Variants in USP46 observed in about 807,000 individuals in gnomAD.
USP46 encodes ubiquitin carboxyl-terminal hydrolase 46.
In USP46, 12 loss-of-function variants were observed where a neutral mutation model predicts 44.4. That is an observed-to-expected ratio of 0.27 (90% CI 0.17 to 0.44). The LOEUF is 0.44. Among genes scored for constraint, USP46 ranks in the 20% least tolerant of loss-of-function variants. The pLI, the probability that USP46 is intolerant of heterozygous loss-of-function variation, is 1.00. For synonymous variants in USP46, 155 were observed against 161.5 expected (o/e 0.96, Z 0.31); for missense variants, 248 against 444.8 (o/e 0.56, Z 3.98).
chr4:52,637,950 G>C (rs931516358), intron 1 of USP46, among the ~76,000 whole-genome samples: 1 of 152,062 alleles, frequency 6.6e-6, no homozygotes, highest in Non-Finnish European at 1.5e-5. Context: ...CATCCTGCAA[G>C]GCCAGCTTAA....
chr4:52,611,604 G>C (rs1182348030), intron 4 of USP46, among the ~76,000 whole-genome samples: 2 of 152,062 alleles, frequency 1.3e-5, no homozygotes, highest in Non-Finnish European at 2.9e-5. Flanking sequence ...GTACAAATGG[G>C]GGCCAGGCGT....
chr4:52,599,902 AT>A (rs1416572104), intron 7 of USP46, among the ~76,000 whole-genome samples: 1 of 151,930 alleles, frequency 6.6e-6, no homozygotes, highest in Non-Finnish European at 1.5e-5. Context: ...GGGCCTTTGC[AT>A]TGCTGTAAAC....
intron 1 of USP46, chr4:52,656,276 G>A: frequency 1.3e-6 from 2 of 1,550,994 alleles, no homozygotes; most frequent in Non-Finnish European, 1.7e-6. Context: ...GCAGTGAGAA[G>A]GGACCTGTAA....
chr4:52,622,618 G>A (rs911641773), intron 4 of USP46, among the ~76,000 whole-genome samples: 7 of 152,150 alleles, frequency 4.6e-5, no homozygotes, highest in Admixed American at 1.3e-4. Context: ...TAGTAAGAAA[G>A]ATAGATGCTG....
intron 3 of USP46, among the ~76,000 whole-genome samples, chr4:52,626,704 A>T (rs1160511246): frequency 2.6e-5 from 4 of 152,196 alleles, no homozygotes; most frequent in African/African-American, 9.7e-5. Flanking sequence ...TTCAATGAGT[A>T]AGTTTCCAAA....
Position 52,631,082 on chromosome 4 carries a change from G to A in USP46, c.99C>T (p.His33=). The A allele has an allele frequency of 1.3e-6, 2 of 1,566,930 alleles. No homozygotes were observed. The highest frequency in any genetic ancestry group is 1.7e-6 in the Non-Finnish European group (2 of 1,153,928). Reference sequence around the variant, plus strand: ...TACTTACATTGACCAATCCGAAATAGTGTTCATTGATTGGAAACTGCTCTG... The same window carrying A: ...TACTTACATTGACCAATCCGAAATAATGTTCATTGATTGGAAACTGCTCTG... ...IGPEQFPINE[H]YFGLVNFGNT... The change falls in exon 2 of 9, where the codon CAC becomes CAT. Residue 33 remains histidine (H), a synonymous_variant. Transcript: ENST00000441222.
In USP46 at chr4:52,650,497, G is replaced by A. The variant is rs138669297; in HGVS notation, c.36+8618C>T. Among the ~76,000 whole-genome samples, 309 of 152,304 alleles carry A rather than the reference G, an allele frequency of 2.0e-3. 12 individuals carry two copies. The East Asian group carries it at 0.056, about 27-fold the overall frequency. On this transcript the variant is annotated intron_variant, in intron 1 of 8. Transcript: ENST00000441222. Reference sequence around the variant, plus strand: ...GAGGAAGAGAAAGGAAAGAGATTGGGTTGAGTTAGTGTCTGTTTTTAAGGT... The same window carrying A: ...GAGGAAGAGAAAGGAAAGAGATTGGATTGAGTTAGTGTCTGTTTTTAAGGT...
chr4:52,636,107 T>C lies in USP46; in HGVS notation c.37-4963A>G, dbSNP rs73135521. ...TGACCTTACAATAGGGAGATTGTCCTGGATTCTCCAGGTAGGCCCAATGGG... is the reference window on the plus strand; with the variant it reads ...TGACCTTACAATAGGGAGATTGTCCCGGATTCTCCAGGTAGGCCCAATGGG... On this transcript the variant is annotated intron_variant, in intron 1 of 8. Coordinates refer to ENST00000441222, the MANE Select transcript of USP46 (RefSeq NM_022832.4). Among the ~76,000 whole-genome samples, 1,061 of 152,328 alleles carry C rather than the reference T, an allele frequency of 7.0e-3. 8 individuals carry two copies. Among genetic ancestry groups the C allele is most frequent in the African/African-American group, 0.02 (844 of 41,572 alleles).
chr4:52,633,010 G>GAAAGA (rs1560406397), intron 1 of USP46, among the ~76,000 whole-genome samples: 4 of 115,962 alleles, frequency 3.4e-5, no homozygotes, highest in Non-Finnish European at 5.5e-5. Context: ...AAGAAAGAAA[G>GAAAGA]AAAGAAAGAA....
intron 1 of USP46, among the ~76,000 whole-genome samples, chr4:52,654,357 C>T (rs1216382679): frequency 6.6e-6 from 1 of 152,130 alleles, no homozygotes; most frequent in Admixed American, 6.5e-5. Context: ...TCTGTTCCCC[C>T]AAATCACAAG....
At chr4:52,644,271 C>G (rs1718454655) in intron 1 of USP46, among the ~76,000 whole-genome samples, 1 of 152,170 alleles carries the variant, frequency 6.6e-6, no homozygotes. Context: ...CACCATTATT[C>G]CACAACCCTG....
intron 3 of USP46, among the ~76,000 whole-genome samples, chr4:52,626,701 A>G (rs1029448405): frequency 6.6e-6 from 1 of 152,178 alleles, no homozygotes; most frequent in Admixed American, 6.5e-5. Context: ...AGCTTCAATG[A>G]GTAAGTTTCC....
chr4:52,601,756 T>C (rs1333082249), intron 7 of USP46, 101 bp downstream of exon 7: 2 of 1,278,202 alleles, frequency 1.6e-6, no homozygotes, highest in African/African-American at 3.0e-5. Context: ...ATCCCAAAAC[T>C]ATTGAGTGCC....
intron 3 of USP46, among the ~76,000 whole-genome samples, chr4:52,627,042 T>A (rs1298433285): frequency 6.6e-6 from 1 of 152,186 alleles, no homozygotes; most frequent in Non-Finnish European, 1.5e-5. Context: ...ATCTATCTGA[T>A]AGTGTTCCGA....
chr4:52,604,444 C>CA (rs1472382264), intron 6 of USP46, 57 bp downstream of exon 6: 1 of 1,458,402 alleles, frequency 6.9e-7, no homozygotes, highest in African/African-American at 1.4e-5. Context: ...TGCTGGGCCC[C>CA]ACAGTCGGGA....
At chr4:52,639,189 T>C (rs1718237311) in intron 1 of USP46, among the ~76,000 whole-genome samples, 1 of 152,244 alleles carries the variant, frequency 6.6e-6, no homozygotes, top group African/African-American at 2.4e-5. Context: ...GCATCAAAGT[T>C]TTAAATGACC....
At chr4:52,602,199 T>C in intron 6 of USP46, 145 bp from the exon 7 acceptor site, 1 of 864,960 alleles carries the variant, frequency 1.2e-6, no homozygotes, top group South Asian at 1.9e-5. Flanking sequence ...AGGATAAAAG[T>C]ATGCTGGCAT....
chr4:52,599,595 A>G (rs2109591351), intron 7 of USP46, among the ~76,000 whole-genome samples: 1 of 152,374 alleles, frequency 6.6e-6, no homozygotes, highest in Admixed American at 6.5e-5. Context: ...AGTGTTAAAA[A>G]GCCGTATACT....
At position 52,592,869 on chromosome 4, in the gene USP46, C is replaced by T; in HGVS notation, c.*4771G>A. 7.5e-6 allele frequency: 3 copies of T among 398,294 alleles called. No homozygotes were observed. The highest frequency in any genetic ancestry group is 1.3e-5 in the Non-Finnish European group (3 of 226,066). 24.7% of individuals were successfully genotyped at this position (398,294 alleles called of 1,614,324 possible). A position where few individuals can be genotyped will look rare whatever the true frequency, so the allele number is the denominator to read the frequency against. ...AAAAAGGAAAGAAAAGTGTGTAACCCCTCCCCCTTTGCTCTCTTCCTCTTG... is the reference window on the plus strand; with the variant it reads ...AAAAAGGAAAGAAAAGTGTGTAACCTCTCCCCCTTTGCTCTCTTCCTCTTG... On this transcript the variant is annotated 3_prime_UTR_variant, in exon 9 of 9. Transcript: ENST00000441222.
Sources: allele counts gnomAD v4.1 joint callset (sites outside exome capture counted in the v4.1 genomes callset), GRCh38; gene constraint gnomAD v4.1.1; transcripts MANE v1.5; gene names NCBI Gene and HGNC (gene_info 2026-07-23, HGNC 2026-07-21).